THADA: variants seen among roughly 807,000 people sequenced by gnomAD.
The protein encoded by THADA is tRNA (32-2'-O)-methyltransferase regulator THADA.
A neutral mutation model predicts 219.8 loss-of-function variants in THADA; 213 were observed. The observed-to-expected ratio is 0.97, with a 90% confidence interval of 0.87 to 1.09. The LOEUF (loss-of-function observed/expected upper bound fraction) is 1.09. THADA is among the 50% of genes least tolerant of loss of function. THADA has a pLI of 0.00. For missense variants in THADA, 2,956 were observed against 2,311.3 expected (o/e 1.28, Z -5.72); for synonymous variants, 1,018 against 828.9 (o/e 1.23, Z -3.92).
rs754951287 is a variant in THADA, at chr2:43,578,612, T to C, written c.722-5A>G. ...GTACAGTCTGTAACAGATCATCTAT[T>C]TGGCAAAAAAGGAGAGAAGCTTGTG... On this transcript the variant is annotated splice_polypyrimidine_tract_variant and splice_region_variant and intron_variant, in intron 8 of 37. Transcript: ENST00000405975. 2.5e-6 allele frequency: 4 copies of C among 1,581,222 alleles called. No individual in the cohort carries two copies. Among genetic ancestry groups the C allele is most frequent in the Non-Finnish European group, 3.4e-6 (4 of 1,162,526 alleles).
chr2:43,378,225 C>G (rs1172834594), intron 29 of THADA, among the ~76,000 whole-genome samples: 2 of 152,114 alleles, frequency 1.3e-5, no homozygotes, highest in African/African-American at 4.8e-5. Context: ...GAATGAAGTA[C>G]TTATTTCACC....
At chr2:43,248,192 GA>G (rs1669428691) in intron 36 of THADA, among the ~76,000 whole-genome samples, 6 of 131,818 alleles carry the variant, frequency 4.6e-5, no homozygotes, top group Non-Finnish European at 9.4e-5. Context: ...GAGAGAGAGA[GA>G]GAGAGAGAGA....
intron 16 of THADA, among the ~76,000 whole-genome samples, chr2:43,558,157 C>T (rs1347732275): frequency 6.6e-6 from 1 of 152,046 alleles, no homozygotes; most frequent in African/African-American, 2.4e-5. Context: ...GACAAAAGAC[C>T]TAGGATATGC....
At chr2:43,570,646 T>G in intron 13 of THADA, 136 bp from the exon 14 acceptor site, 1 of 925,064 alleles carries the variant, frequency 1.1e-6, no homozygotes, top group Non-Finnish European at 1.5e-6. Context: ...TTTATAATGT[T>G]TCTTTTTGAC....
In THADA at chr2:43,301,077, G is replaced by A. The variant is rs569478494; in HGVS notation, c.4439-7864C>T. Among the ~76,000 whole-genome samples, 8 of 152,314 alleles carry A rather than the reference G, an allele frequency of 5.3e-5. No individual in the cohort carries two copies. In the South Asian group the frequency reaches 1.7e-3, roughly 32 times the overall value. ...TAGATTCTGATTCAGTTGGTTTCAA[G>A]TTGGGCGCAGACAGCTGTAATCTTA... On this transcript the variant is annotated intron_variant, in intron 31 of 37. Transcript: ENST00000405975.
intron 36 of THADA, among the ~76,000 whole-genome samples, chr2:43,243,208 T>C (rs1668792699): frequency 6.6e-6 from 1 of 152,166 alleles, no homozygotes; most frequent in South Asian, 2.1e-4. Context: ...TGTTCTTGTC[T>C]GTAGGTGCCT....
At chr2:43,513,274 G>C (rs1375033309) in intron 22 of THADA, among the ~76,000 whole-genome samples, 1 of 152,086 alleles carries the variant, frequency 6.6e-6, no homozygotes, top group Admixed American at 6.6e-5. Context: ...CATTTTGACA[G>C]GACATCCCCC....
intron 29 of THADA, among the ~76,000 whole-genome samples, chr2:43,359,511 C>T (rs1227812058): frequency 6.6e-6 from 1 of 152,208 alleles, no homozygotes; most frequent in East Asian, 1.9e-4. Context: ...GAAACCCCGT[C>T]TCTACTAAAA....
intron 22 of THADA, among the ~76,000 whole-genome samples, chr2:43,510,656 A>G (rs550241858): frequency 7.4e-6 from 1 of 135,646 alleles, no homozygotes; most frequent in South Asian, 2.3e-4. Flanking sequence ...TTCCTTCTTC[A>G]CTGTAAAAAA....
intron 21 of THADA, among the ~76,000 whole-genome samples, chr2:43,530,567 C>A (rs764475345): frequency 1.1e-4 from 17 of 152,256 alleles, no homozygotes; most frequent in Non-Finnish European, 2.2e-4. Context: ...AAAATAAAAA[C>A]AGAAAGTCAA....
intron 26 of THADA, among the ~76,000 whole-genome samples, chr2:43,454,780 G>C (rs1682784339): frequency 6.6e-6 from 1 of 152,136 alleles, no homozygotes. Flanking sequence ...TAAAATAAAA[G>C]TACACTCTAT....
intron 1 of THADA, 69 bp from the exon 2 acceptor site, chr2:43,592,485 G>T: frequency 1.1e-6 from 1 of 935,812 alleles, no homozygotes; most frequent in Non-Finnish European, 1.7e-6. Flanking sequence ...TTTTTGGCTG[G>T]GTTCATTCTT....
chr2:43,386,640 T>C (rs1672719861), intron 29 of THADA, among the ~76,000 whole-genome samples: 1 of 152,132 alleles, frequency 6.6e-6, no homozygotes, highest in African/African-American at 2.4e-5. Flanking sequence ...ACGCCTGTAA[T>C]CCTAGCACTT....
At chr2:43,392,171 T>C (rs928492569) in intron 29 of THADA, among the ~76,000 whole-genome samples, 1 of 152,332 alleles carries the variant, frequency 6.6e-6, no homozygotes, top group South Asian at 2.1e-4. Context: ...CGTTTTATGT[T>C]TCACAATTTT....
chr2:43,514,955 A>G (rs1691164228), intron 22 of THADA, among the ~76,000 whole-genome samples: 1 of 76,212 alleles, frequency 1.3e-5, no homozygotes, highest in Admixed American at 2.6e-4. Context: ...TATATAATAT[A>G]TAATATTTTA....
At chr2:43,446,742 T>C (rs1681613784) in intron 26 of THADA, among the ~76,000 whole-genome samples, 1 of 152,220 alleles carries the variant, frequency 6.6e-6, no homozygotes, top group Non-Finnish European at 1.5e-5. Context: ...GGCAATGAGT[T>C]AGACTCTGTG....
chr2:43,387,772 A>G (rs1161606783), intron 29 of THADA, among the ~76,000 whole-genome samples: 1 of 152,220 alleles, frequency 6.6e-6, no homozygotes, highest in Non-Finnish European at 1.5e-5. Context: ...CAACGCACAC[A>G]CCCACAACAA....
chr2:43,284,209 C>A (rs1031224150), intron 35 of THADA, among the ~76,000 whole-genome samples: 1 of 152,142 alleles, frequency 6.6e-6, no homozygotes. Context: ...ATGTTAACAG[C>A]CAAGATGATG....
chr2:43,427,505 G>GTGTC (rs1678610245), intron 28 of THADA, among the ~76,000 whole-genome samples: 1 of 145,658 alleles, frequency 6.9e-6, no homozygotes, highest in Admixed American at 6.8e-5. Flanking sequence ...CCCAAAGTTT[G>GTGTC]TGTGTGTGTG....
Sources: gnomAD v4.1 joint callset for allele counts (sites outside exome capture counted in the v4.1 genomes callset) on GRCh38, gnomAD v4.1.1 for gene constraint, MANE v1.5 for transcripts, NCBI Gene and HGNC (gene_info 2026-07-23, HGNC 2026-07-21) for gene names.